CAPZB: variants seen among roughly 807,000 people sequenced by gnomAD.
The protein encoded by CAPZB is F-actin-capping protein subunit beta.
In CAPZB, 2 loss-of-function variants were observed where a neutral mutation model predicts 38.1. The ratio of observed to expected loss-of-function variants is 0.05; its 90% CI spans 0.02 to 0.17. The LOEUF (loss-of-function observed/expected upper bound fraction) is 0.17, where lower values mean the gene tolerates loss of function less well. Among genes scored for constraint, CAPZB ranks in the 10% least tolerant of loss-of-function variants. The probability of loss-of-function intolerance (pLI) is 1.00; values close to 1 mark genes in which losing one functional copy is unlikely to be tolerated. For missense variants in CAPZB, 161 were observed against 334.2 expected (o/e 0.48, Z 4.04); for synonymous variants, 107 against 127.4 (o/e 0.84, Z 1.08).
At chr1:19,375,876 G>A (rs566086289) in intron 4 of CAPZB, among the ~76,000 whole-genome samples, 1 of 152,148 alleles carries the variant, frequency 6.6e-6, no homozygotes, top group African/African-American at 2.4e-5. Flanking sequence ...GTCACTGTAA[G>A]GATTCAGTGA....
intron 4 of CAPZB, among the ~76,000 whole-genome samples, chr1:19,363,260 A>ATT (rs10641267): frequency 0.022 from 2,733 of 123,100 alleles, 43 homozygotes; most frequent in Admixed American, 0.03. Flanking sequence ...TAAAAAAAAA[A>ATT]TTTTTTTTTT....
intron 2 of CAPZB, among the ~76,000 whole-genome samples, chr1:19,387,800 T>G (rs958718415): frequency 1.3e-5 from 2 of 152,228 alleles, no homozygotes; most frequent in African/African-American, 2.4e-5. Context: ...TGGGTGCCCA[T>G]GCCCATGTGA....
At chr1:19,351,305 A>G (rs1395542156) in intron 6 of CAPZB, among the ~76,000 whole-genome samples, 1 of 151,034 alleles carries the variant, frequency 6.6e-6, no homozygotes, top group African/African-American at 2.4e-5. Context: ...TTTTAATAAA[A>G]TTTGTTTATT....
intron 6 of CAPZB, among the ~76,000 whole-genome samples, chr1:19,346,439 T>G (rs1166938139): frequency 4.5e-5 from 6 of 133,756 alleles, no homozygotes; most frequent in South Asian, 2.3e-4. Context: ...AAAATAAAAT[T>G]TGTGAGAGAA....
intron 1 of CAPZB, among the ~76,000 whole-genome samples, chr1:19,441,748 CTA>C (rs1336764933): frequency 6.6e-6 from 1 of 151,890 alleles, no homozygotes; most frequent in East Asian, 1.9e-4. Flanking sequence ...TGGCTCATGC[CTA>C]TAATCCCAGC....
At chr1:19,428,853 G>A (rs2094432772) in intron 1 of CAPZB, among the ~76,000 whole-genome samples, 1 of 152,056 alleles carries the variant, frequency 6.6e-6, no homozygotes, top group South Asian at 2.1e-4. Context: ...TGTGACCTAA[G>A]GTAGAGGACA....
At chr1:19,374,718 C>T (rs1558197455) in intron 4 of CAPZB, among the ~76,000 whole-genome samples, 1 of 152,324 alleles carries the variant, frequency 6.6e-6, no homozygotes, top group East Asian at 1.9e-4. Flanking sequence ...ACTTTCCTGG[C>T]CCCTCAGGCA....
intron 4 of CAPZB, among the ~76,000 whole-genome samples, chr1:19,364,088 G>A (rs2094069797): frequency 2.0e-5 from 3 of 152,198 alleles, no homozygotes; most frequent in Admixed American, 2.0e-4. Flanking sequence ...GCCAAGTTAG[G>A]GGCATTATTA....
chr1:19,366,346 G>C (rs1192895908), intron 4 of CAPZB, among the ~76,000 whole-genome samples: 1 of 145,424 alleles, frequency 6.9e-6, no homozygotes, highest in Non-Finnish European at 1.5e-5. Context: ...ACTTTTTGCT[G>C]TACTGGTGCT....
Position 19,375,879 on chromosome 1 carries a change from T to C in CAPZB, c.329+2661A>G, listed in dbSNP as rs3790761. Among the ~76,000 whole-genome samples the C allele has an allele frequency of 1.0e-2, 1,517 of 152,318 alleles. 66 individuals are homozygous for C. In the East Asian group the frequency reaches 0.14, roughly 14 times the overall value. On this transcript the variant is annotated intron_variant, in intron 4 of 8. Coordinates refer to ENST00000264202, the MANE Select transcript of CAPZB (RefSeq NM_004930.5). ...ACTTGTCCTATAGTCACTGTAAGGATTCAGTGATTATTCTGAAGAGTTTTA... is the reference window on the plus strand; with the variant it reads ...ACTTGTCCTATAGTCACTGTAAGGACTCAGTGATTATTCTGAAGAGTTTTA...
chr1:19,451,479 G>C (rs1041817468), intron 1 of CAPZB, among the ~76,000 whole-genome samples: 2 of 152,170 alleles, frequency 1.3e-5, no homozygotes, highest in African/African-American at 4.8e-5. Context: ...AGGATGCAGA[G>C]GAAAGGACGG....
rs554556306 is a variant in CAPZB, at chr1:19,356,558, C to G, written c.588+77G>C. 5.5e-6 allele frequency: 5 copies of G among 911,420 alleles called. No homozygotes were observed. Among genetic ancestry groups the G allele is most frequent in the African/African-American group, 1.6e-5 (1 of 61,604 alleles). The allele number at this position is 911,420 out of a possible 1,614,324, so 56.5% of individuals were successfully genotyped here. Reference sequence around the variant, plus strand: ...ATGCTTACCCTAAATGGGGCACCTGCTCACTCATCTCTGCAGGTCAGCACT... The same window carrying G: ...ATGCTTACCCTAAATGGGGCACCTGGTCACTCATCTCTGCAGGTCAGCACT... On this transcript the variant is annotated intron_variant, in intron 6 of 8. Coordinates refer to ENST00000264202, the MANE Select transcript of CAPZB (RefSeq NM_004930.5). The surrounding 1 kb of genome is among the most constrained non-coding windows in gnomAD (Gnocchi z 4.3).
chr1:19,474,001 C>CT (rs544201183), intron 1 of CAPZB, among the ~76,000 whole-genome samples: 2,473 of 146,256 alleles, frequency 0.017, 33 homozygotes, highest in South Asian at 0.036. Context: ...TATGTACATT[C>CT]TTTTTTTTTT....
At chr1:19,477,016 T>C (rs902823509) in intron 1 of CAPZB, among the ~76,000 whole-genome samples, 2 of 152,164 alleles carry the variant, frequency 1.3e-5, no homozygotes, top group Non-Finnish European at 1.5e-5. Flanking sequence ...TTACTACACC[T>C]CTCTGAGCTC....
chr1:19,404,829 C>T (rs2094322854), intron 2 of CAPZB, among the ~76,000 whole-genome samples: 1 of 152,132 alleles, frequency 6.6e-6, no homozygotes, highest in Non-Finnish European at 1.5e-5. Flanking sequence ...ATGATTTGCA[C>T]CAAGTATTTT....
chr1:19,341,464 C>T (rs539283656), intron 8 of CAPZB, among the ~76,000 whole-genome samples: 65 of 152,302 alleles, frequency 4.3e-4, no homozygotes, highest in African/African-American at 1.4e-3. Context: ...GAGCTAGAAT[C>T]ATGTTAGACA....
intron 1 of CAPZB, among the ~76,000 whole-genome samples, chr1:19,455,668 T>C (rs558283306): frequency 6.6e-6 from 1 of 152,154 alleles, no homozygotes; most frequent in South Asian, 2.1e-4. Context: ...TCCTGCTTGA[T>C]AAAAATCACT....
chr1:19,356,293 G>A lies in CAPZB; in HGVS notation c.588+342C>T, dbSNP rs1411899581. ...AGAGAGCTGGCCTGACTGATGGGCT[G>A]GGCATGGCCACAGAGACGGCAAACA... is the stretch of plus-strand genomic sequence containing the variant. On this transcript the variant is annotated intron_variant, in intron 6 of 8. Coordinates refer to ENST00000264202, the MANE Select transcript of CAPZB (RefSeq NM_004930.5). This position sits in a 1 kb window ranked among gnomAD's most constrained non-coding sequence, Gnocchi z 4.3. Among the ~76,000 whole-genome samples, 1 of 150,414 alleles carries A rather than the reference G, an allele frequency of 6.6e-6. No homozygotes were observed. The highest frequency in any genetic ancestry group is 1.5e-5 in the Non-Finnish European group (1 of 67,634).
At chr1:19,479,777 T>C (rs1237739383) in intron 1 of CAPZB, among the ~76,000 whole-genome samples, 1 of 152,168 alleles carries the variant, frequency 6.6e-6, no homozygotes, top group African/African-American at 2.4e-5. Flanking sequence ...AATTTCTACC[T>C]GCCCTGTCAA....
Sources: allele counts gnomAD v4.1 joint callset (sites outside exome capture counted in the v4.1 genomes callset), GRCh38; gene constraint gnomAD v4.1.1; non-coding constraint Gnocchi (gnomAD v3.1); transcripts MANE v1.5; gene names NCBI Gene and HGNC (gene_info 2026-07-23, HGNC 2026-07-21).